Variants in SYCP2L observed in about 807,000 individuals in gnomAD.
The protein encoded by SYCP2L is synaptonemal complex protein 2-like.
Under a neutral mutation model 125.8 loss-of-function variants are expected in SYCP2L, and 98 were observed. The ratio of observed to expected loss-of-function variants is 0.78; its 90% confidence interval spans 0.66 to 0.92. The LOEUF is 0.92. SYCP2L is among the 40% of genes least tolerant of loss of function. The pLI is 0.00. For synonymous variants in SYCP2L, 317 were observed against 325.4 expected, an observed-to-expected ratio of 0.97 and a Z score of 0.28; for missense variants, 842 against 936.4, an observed-to-expected ratio of 0.90 and a Z score of 1.32.
Position 10,924,505 on chromosome 6 carries a change from A to G in SYCP2L, c.1082A>G (p.Lys361Arg). ...VMNFSITETE[K>R]IKIFIIYLKK... ...CCATATTTTCTCTTAGAAACGGAGA[A>G]GATAAAGATATTTATCATTTACCTG... is the stretch of plus-strand genomic sequence containing the variant. The change falls in exon 15 of 30, where the codon AAG (lysine) becomes AGG (arginine). Residue 361 changes from lysine (K) to arginine (R), a missense_variant. Physicochemically the swap from Lys to Arg is conservative, Grantham distance 26. Coordinates refer to ENST00000283141, the MANE Select transcript of SYCP2L (RefSeq NM_001040274.3). 1 of 1,575,520 alleles carries G rather than the reference A, an allele frequency of 6.3e-7. No homozygotes were observed. The highest frequency in any genetic ancestry group is 8.6e-7 in the Non-Finnish European group (1 of 1,168,008).
intron 25 of SYCP2L, among the ~76,000 whole-genome samples, chr6:10,956,594 AAT>A (rs572764302): frequency 3.5e-3 from 532 of 152,254 alleles, no homozygotes; most frequent in Non-Finnish European, 5.9e-3. Context: ...TGAAGTAATG[AAT>A]ATGTTAATTT....
intron 28 of SYCP2L, 72 bp downstream of exon 28, chr6:10,961,630 G>T (rs1374766873): frequency 1.3e-6 from 2 of 1,487,460 alleles, no homozygotes. Flanking sequence ...TAGAGAATGG[G>T]CAGTTGGTGA....
At chr6:10,942,828 G>A (rs941065691) in intron 23 of SYCP2L, 82 bp downstream of exon 23, 1 of 1,279,618 alleles carries the variant, frequency 7.8e-7, no homozygotes, top group Admixed American at 2.3e-5. Flanking sequence ...CTGTTACTCA[G>A]ATTGCAGATC....
In SYCP2L at chr6:10,930,323, G is replaced by T. The variant is rs750001832; in HGVS notation, c.1489-47G>T. 5 of 1,580,556 alleles carry T rather than the reference G, an allele frequency of 3.2e-6. No homozygotes were observed. The East Asian group carries it at 1.1e-4, about 36-fold the overall frequency. ...GAATATGTTTAGTTATACATAAGAG[G>T]CACTAACACCCCTCTAAAAATTCTC... On this transcript the variant is annotated intron_variant, in intron 18 of 29. Coordinates refer to ENST00000283141, the MANE Select transcript of SYCP2L (RefSeq NM_001040274.3).
At chr6:10,904,858 G>A (rs547208117) in intron 8 of SYCP2L, among the ~76,000 whole-genome samples, 44 of 152,086 alleles carry the variant, frequency 2.9e-4, no homozygotes, top group African/African-American at 1.0e-3. Context: ...CGACTCGGCC[G>A]GGCATGGTGG....
At chr6:10,932,590 C>T (rs1231692681) in intron 20 of SYCP2L, among the ~76,000 whole-genome samples, 2 of 152,088 alleles carry the variant, frequency 1.3e-5, no homozygotes, top group Non-Finnish European at 2.9e-5. Context: ...CTCTCATGCT[C>T]TGTAAGGAGA....
Position 10,926,441 on chromosome 6 carries a change from G to A in SYCP2L, c.1312+9G>A. ...CCTTGAAAGAGAAACAGGTATATTG[G>A]GAAATAACAAAATTCTGACCCTGAG... On this transcript the variant is annotated intron_variant, in intron 16 of 29. Coordinates refer to ENST00000283141, the MANE Select transcript of SYCP2L (RefSeq NM_001040274.3). 1 of 1,599,638 alleles carries A rather than the reference G, an allele frequency of 6.3e-7. No individual in the cohort carries two copies. The highest frequency in any genetic ancestry group is 8.6e-7 in the Non-Finnish European group (1 of 1,169,118).
At chr6:10,904,848 CG>C (rs1299665736) in intron 8 of SYCP2L, among the ~76,000 whole-genome samples, 4 of 151,946 alleles carry the variant, frequency 2.6e-5, no homozygotes, top group Non-Finnish European at 5.9e-5. Context: ...ATTAAAAGAT[CG>C]ACTCGGCCGG....
intron 10 of SYCP2L, among the ~76,000 whole-genome samples, chr6:10,907,892 G>GTTTTGTTTTTTTTTTTTTTTT (rs1780526621): frequency 1.1e-5 from 1 of 91,922 alleles, no homozygotes; most frequent in Non-Finnish European, 2.0e-5. Flanking sequence ...ATACAGATAG[G>GTTTTGTTTTTTTTTTTTTTTT]TTTTTTTTTT....
At chr6:10,966,259 G>A (rs750602411) in intron 29 of SYCP2L, among the ~76,000 whole-genome samples, 13 of 152,124 alleles carry the variant, frequency 8.5e-5, no homozygotes, top group Non-Finnish European at 1.6e-4. Flanking sequence ...CGATATTAGG[G>A]AATCTACTAA....
At chr6:10,905,953 C>T in intron 8 of SYCP2L, 67 bp from the exon 9 acceptor site, 1 of 1,035,086 alleles carries the variant, frequency 9.7e-7, no homozygotes, top group Non-Finnish European at 1.5e-6. Context: ...AAGTTTAATG[C>T]TAGTGTAGTA....
At chr6:10,923,179 G>C (rs1483898460) in intron 14 of SYCP2L, among the ~76,000 whole-genome samples, 1 of 151,786 alleles carries the variant, frequency 6.6e-6, no homozygotes, top group African/African-American at 2.4e-5. Context: ...GTGGCCATTA[G>C]CTTTGCCTGT....
At chr6:10,916,730 C>T (rs952336045) in intron 14 of SYCP2L, among the ~76,000 whole-genome samples, 1 of 152,186 alleles carries the variant, frequency 6.6e-6, no homozygotes, top group African/African-American at 2.4e-5. Flanking sequence ...TGGCTCACGC[C>T]TGTAATCCCG....
Position 10,935,064 on chromosome 6 carries a change from C to G in SYCP2L, c.1690C>G (p.Leu564Val). The change falls in exon 21 of 30, where the codon CTT becomes GTT. Residue 564 changes from leucine to valine, a missense_variant. Coordinates refer to ENST00000283141, the MANE Select transcript of SYCP2L (RefSeq NM_001040274.3). ...GSGHEKDQAKLLSPSEKEIPE... is the reference protein window; with the variant it reads ...GSGHEKDQAKVLSPSEKEIPE... ...AAAAGATACTATATTTTAGGCTAAGCTTCTATCACCATCAGAGAAAGAAAT... is the reference window on the plus strand; with the variant it reads ...AAAAGATACTATATTTTAGGCTAAGGTTCTATCACCATCAGAGAAAGAAAT... 1 of 1,604,496 alleles carries G rather than the reference C, an allele frequency of 6.2e-7. No homozygotes were observed. The highest frequency in any genetic ancestry group is 8.5e-7 in the Non-Finnish European group (1 of 1,176,750).
intron 15 of SYCP2L, among the ~76,000 whole-genome samples, chr6:10,925,171 G>C (rs888377205): frequency 6.6e-6 from 1 of 152,134 alleles, no homozygotes; most frequent in African/African-American, 2.4e-5. Context: ...CAAGAGAGTA[G>C]GGGAACTCCC....
intron 19 of SYCP2L, 77 bp from the exon 20 acceptor site, chr6:10,931,363 A>G (rs779429402): frequency 9.9e-6 from 14 of 1,416,486 alleles, no homozygotes; most frequent in South Asian, 2.3e-5. Flanking sequence ...GTGTTAGCAT[A>G]TTGGGAGACG....
At chr6:10,891,455 T>G in intron 1 of SYCP2L, 58 bp from the exon 2 acceptor site, 1 of 1,021,404 alleles carries the variant, frequency 9.8e-7, no homozygotes, top group Non-Finnish European at 1.4e-6. Context: ...TGTTTAAAAC[T>G]TGAAATGCAT....
intron 23 of SYCP2L, among the ~76,000 whole-genome samples, chr6:10,943,691 C>G (rs1266391237): frequency 1.3e-5 from 2 of 152,174 alleles, no homozygotes; most frequent in East Asian, 1.9e-4. Context: ...GAGGTAATGA[C>G]TTATGACTTT....
At chr6:10,906,821 A>G (rs1226575332) in intron 9 of SYCP2L, among the ~76,000 whole-genome samples, 1 of 151,096 alleles carries the variant, frequency 6.6e-6, no homozygotes, top group Non-Finnish European at 1.5e-5. Context: ...CTGGTCTCGA[A>G]CTCCTGACCT....
Sources: gnomAD v4.1 joint callset for allele counts (sites outside exome capture counted in the v4.1 genomes callset) on GRCh38, gnomAD v4.1.1 for gene constraint, MANE v1.5 for transcripts, NCBI Gene and HGNC (gene_info 2026-07-23, HGNC 2026-07-21) for gene names.